Variants in AMOTL1 observed in about 807,000 individuals in gnomAD.
The protein encoded by AMOTL1 is angiomotin like 1.
AMOTL1 carries 45 observed loss-of-function variants against 102.9 expected under a neutral mutation model. The ratio of observed to expected loss-of-function variants is 0.44; its 90% confidence interval spans 0.34 to 0.56. AMOTL1 has a LOEUF of 0.56. Ranked by LOEUF, AMOTL1 falls within the 20% of genes least tolerant of loss-of-function variation. The pLI is 0.01. For missense variants in AMOTL1, 1,114 were observed against 1,225.6 expected (o/e 0.91, Z 1.36); for synonymous variants, 481 against 484.7 (o/e 0.99, Z 0.10).
intron 9 of AMOTL1, 132 bp downstream of exon 9, chr11:94,859,847 T>C: frequency 2.0e-6 from 2 of 1,019,666 alleles, no homozygotes; most frequent in Non-Finnish European, 2.7e-6. Flanking sequence ...TTTAAGTAGT[T>C]ACAGTGCTAG....
chr11:94,800,995 G>C (rs145981867), intron 3 of AMOTL1, among the ~76,000 whole-genome samples: 52 of 152,250 alleles, frequency 3.4e-4, no homozygotes, highest in African/African-American at 1.2e-3. Flanking sequence ...TCAGAGATGG[G>C]GTCCCTGCCC....
At chr11:94,846,261 C>T (rs936979846) in intron 6 of AMOTL1, among the ~76,000 whole-genome samples, 18 of 152,236 alleles carry the variant, frequency 1.2e-4, no homozygotes, top group Non-Finnish European at 5.9e-5. Flanking sequence ...TGCCTTTGCC[C>T]ATGTCCTTAC....
intron 7 of AMOTL1, among the ~76,000 whole-genome samples, chr11:94,852,198 A>G (rs547685932): frequency 4.6e-5 from 7 of 152,376 alleles, no homozygotes; most frequent in African/African-American, 1.7e-4. Context: ...CAAAATCACA[A>G]GGAATGAAAG....
chr11:94,834,998 A>G (rs1303605347), intron 6 of AMOTL1, among the ~76,000 whole-genome samples: 1 of 152,234 alleles, frequency 6.6e-6, no homozygotes, highest in Non-Finnish European at 1.5e-5. Context: ...AAACAGGCTC[A>G]TTGTACTCCC....
intron 1 of AMOTL1, among the ~76,000 whole-genome samples, chr11:94,714,968 T>C (rs1249885755): frequency 6.6e-6 from 1 of 152,138 alleles, no homozygotes; most frequent in Non-Finnish European, 1.5e-5. Context: ...AATTACTGAC[T>C]TGCGATTATT....
chr11:94,752,753 A>G (rs977720427), intron 3 of AMOTL1, among the ~76,000 whole-genome samples: 2 of 152,122 alleles, frequency 1.3e-5, no homozygotes, highest in East Asian at 3.9e-4. Flanking sequence ...GCTTTTGGAA[A>G]CTTTAGGTTC....
At chr11:94,710,982 G>T (rs1028050171) in intron 1 of AMOTL1, among the ~76,000 whole-genome samples, 1 of 152,140 alleles carries the variant, frequency 6.6e-6, no homozygotes, top group African/African-American at 2.4e-5. Flanking sequence ...GAAGTTAGAT[G>T]ACTTCTACGG....
chr11:94,833,484 T>C (rs777857471), intron 6 of AMOTL1, among the ~76,000 whole-genome samples: 31 of 152,378 alleles, frequency 2.0e-4, no homozygotes, highest in Non-Finnish European at 4.0e-4. Flanking sequence ...TTTTAATCTT[T>C]GTTCTTTATC....
intron 6 of AMOTL1, among the ~76,000 whole-genome samples, chr11:94,836,100 G>GT (rs1189098697): frequency 6.6e-6 from 1 of 152,026 alleles, no homozygotes; most frequent in Non-Finnish European, 1.5e-5. Flanking sequence ...ATGCCTCCTG[G>GT]TTTTTTTATT....
intron 3 of AMOTL1, among the ~76,000 whole-genome samples, chr11:94,761,397 C>G (rs1950791017): frequency 6.6e-6 from 1 of 152,030 alleles, no homozygotes; most frequent in Admixed American, 6.6e-5. Flanking sequence ...CCATGTTGGC[C>G]AGGCTGGTCT....
Position 94,850,233 on chromosome 11 carries a change from G to A in AMOTL1, c.1768G>A (p.Ala590Thr), listed in dbSNP as rs768968184. 5.6e-6 allele frequency: 9 copies of A among 1,595,738 alleles called. No individual in the cohort carries two copies. The highest frequency in any genetic ancestry group is 6.8e-6 in the Non-Finnish European group (8 of 1,171,064). ...GGACCAGGCTTTGAGCAACGCCCAG[G>A]CCAGGGTCATCAAGCTGGAAGAGGA... is the stretch of plus-strand genomic sequence containing the variant. ...ILDQALSNAQ[A>T]RVIKLEEELR... The change falls in exon 7 of 13, where the codon GCC becomes ACC. Residue 590 changes from alanine to threonine, a missense_variant. Coordinates refer to ENST00000433060, the MANE Select transcript of AMOTL1 (RefSeq NM_130847.3).
chr11:94,820,116 A>G (rs1376110934), intron 3 of AMOTL1, among the ~76,000 whole-genome samples: 2 of 152,198 alleles, frequency 1.3e-5, no homozygotes. Flanking sequence ...ACTTCATTAA[A>G]TGGTGCCCCT....
At chr11:94,860,905 C>T (rs1952760335) in intron 9 of AMOTL1, among the ~76,000 whole-genome samples, 1 of 152,032 alleles carries the variant, frequency 6.6e-6, no homozygotes, top group South Asian at 2.1e-4. Flanking sequence ...TGAAGTTATT[C>T]ACGGACTCTC....
intron 8 of AMOTL1, among the ~76,000 whole-genome samples, chr11:94,858,895 A>G (rs947313332): frequency 1.3e-5 from 2 of 152,224 alleles, no homozygotes; most frequent in African/African-American, 4.8e-5. Flanking sequence ...ACAGATGAAA[A>G]GGCCGAAAAA....
chr11:94,738,859 A>G (rs1950476351), intron 2 of AMOTL1, among the ~76,000 whole-genome samples: 1 of 152,180 alleles, frequency 6.6e-6, no homozygotes, highest in South Asian at 2.1e-4. Context: ...CTGGAAAGGT[A>G]GGAGAGTGGA....
rs1169006115 is a variant in AMOTL1 at position 94,869,442 on chromosome 11, C to A, written c.2733C>A (p.His911Gln). Residue 911 changes from histidine (H) to glutamine (Q), a missense_variant, in exon 12 of 13, where the codon CAC (histidine) becomes CAA (glutamine). By Grantham distance (24) the His-to-Gln change is conservative. Coordinates refer to ENST00000433060, the MANE Select transcript of AMOTL1 (RefSeq NM_130847.3). ...CTGCTCACAGCCCCGTCCTGAAACACCCAGCGGCCAAAGGGACCGCAGAGA... is the reference window on the plus strand; with the variant it reads ...CTGCTCACAGCCCCGTCCTGAAACAACCAGCGGCCAAAGGGACCGCAGAGA... ...TTPAHSPVLK[H>Q]PAAKGTAEKL... The A allele has an allele frequency of 3.7e-6, 6 of 1,603,458 alleles. No homozygotes were observed. The highest frequency in any genetic ancestry group is 5.1e-6 in the Non-Finnish European group (6 of 1,175,330).
At chr11:94,772,355 T>C (rs1950965053) in intron 1 of AMOTL1, among the ~76,000 whole-genome samples, 1 of 152,226 alleles carries the variant, frequency 6.6e-6, no homozygotes, top group Non-Finnish European at 1.5e-5. Flanking sequence ...CCTCTATAGT[T>C]GCACTGGCCC....
chr11:94,744,920 G>A (rs1232149845), intron 3 of AMOTL1, among the ~76,000 whole-genome samples: 1 of 152,144 alleles, frequency 6.6e-6, no homozygotes, highest in African/African-American at 2.4e-5. Flanking sequence ...TGACACCTTA[G>A]CATTGAAGAA....
intron 8 of AMOTL1, among the ~76,000 whole-genome samples, chr11:94,858,259 T>C (rs1365847081): frequency 2.6e-5 from 4 of 152,218 alleles, no homozygotes; most frequent in Admixed American, 2.6e-4. Flanking sequence ...GTGCCCTTTA[T>C]GCACAGGTCA....
Sources: gnomAD v4.1 joint callset for allele counts (sites outside exome capture counted in the v4.1 genomes callset) on GRCh38, gnomAD v4.1.1 for gene constraint, MANE v1.5 for transcripts, NCBI Gene and HGNC (gene_info 2026-07-23, HGNC 2026-07-21) for gene names.